CEP128: variants seen among roughly 807,000 people sequenced by gnomAD.
CEP128 encodes the protein centrosomal protein 128.
In CEP128, 132 loss-of-function variants were observed where a neutral mutation model predicts 156.7. The observed-to-expected ratio is 0.84, with a 90% CI of 0.73 to 0.97. CEP128 has a LOEUF of 0.97. Among genes scored for constraint, CEP128 ranks in the 50% least tolerant of loss-of-function variants. The pLI, the probability that CEP128 is intolerant of heterozygous loss-of-function variation, is 0.00. For missense variants in CEP128, 1,252 were observed against 1,281.9 expected (o/e 0.98, Z 0.36); for synonymous variants, 469 against 448.9 (o/e 1.04, Z -0.57).
chr14:80,485,366 T>C (rs553657378), intron 14 of CEP128, among the ~76,000 whole-genome samples: 1 of 112,750 alleles, frequency 8.9e-6, no homozygotes, highest in South Asian at 2.8e-4. Context: ...TATACAACTT[T>C]TAGATCCTCT....
At chr14:80,572,308 T>C (rs993396989) in intron 20 of CEP128, among the ~76,000 whole-genome samples, 45 of 152,196 alleles carry the variant, frequency 3.0e-4, no homozygotes, top group Non-Finnish European at 6.0e-4. Context: ...TATTAGTACT[T>C]AGGATCTCAG....
At chr14:80,829,466 A>C in intron 13 of CEP128, among the ~76,000 whole-genome samples, 1 of 152,164 alleles carries the variant, frequency 6.6e-6, no homozygotes, top group Admixed American at 6.5e-5. Flanking sequence ...GCTGGAGTGC[A>C]GTGGCACAAT....
At chr14:80,677,500 C>T (rs1025485797) in intron 19 of CEP128, among the ~76,000 whole-genome samples, 3 of 99,496 alleles carry the variant, frequency 3.0e-5, no homozygotes, top group Non-Finnish European at 5.9e-5. Context: ...CACAGCAAGA[C>T]TCCGTCTCAA....
intron 23 of CEP128, among the ~76,000 whole-genome samples, chr14:80,512,386 T>C (rs1888302418): frequency 6.6e-6 from 1 of 152,090 alleles, no homozygotes; most frequent in Admixed American, 6.6e-5. Context: ...TTTTTTCTGA[T>C]ATAAGTATAG....
intron 21 of CEP128, among the ~76,000 whole-genome samples, chr14:80,544,622 G>A (rs1037594387): frequency 3.3e-5 from 5 of 152,146 alleles, no homozygotes; most frequent in Admixed American, 6.5e-5. Flanking sequence ...GACTCCTCAC[G>A]GACATACTTT....
chr14:80,693,843 A>T (rs1896799228), intron 19 of CEP128, among the ~76,000 whole-genome samples: 1 of 152,204 alleles, frequency 6.6e-6, no homozygotes, highest in Admixed American at 6.5e-5. Context: ...TGCCTTGTCA[A>T]AACAGATACA....
rs766724436 is a variant in CEP128 at position 80,856,720 on chromosome 14, C to CTTTTTTTTTTTTTTTTTT, written c.762+6019_762+6036dup. Among the ~76,000 whole-genome samples the CTTTTTTTTTTTTTTTTTT allele has an allele frequency of 1.1e-4, 7 of 65,156 alleles. 1 individual carries two copies. The highest frequency in any genetic ancestry group is 1.4e-4 in the Non-Finnish European group (5 of 35,600). The allele number at this position is 65,156 out of a possible 152,430, so 42.7% of individuals were successfully genotyped here. ...AGCATTTATCTCATGTTTTTCTTTT[C>CTTTTTTTTTTTTTTTTTT]TTTTTTTTTTTTTTTTTTTTTTTTT... is the stretch of plus-strand genomic sequence containing the variant. On this transcript the variant is annotated intron_variant, in intron 9 of 24. Transcript: ENST00000555265.
chr14:80,689,972 T>C (rs1428851604), intron 19 of CEP128, among the ~76,000 whole-genome samples: 1 of 152,064 alleles, frequency 6.6e-6, no homozygotes, highest in Non-Finnish European at 1.5e-5. Flanking sequence ...AATAAGTAGA[T>C]CTGTGAGTCC....
chr14:80,695,858 C>A (rs1471052053), intron 19 of CEP128, among the ~76,000 whole-genome samples: 2 of 151,996 alleles, frequency 1.3e-5, no homozygotes, highest in Non-Finnish European at 2.9e-5. Context: ...TATAACATTA[C>A]CTCTTATGCT....
In CEP128 at chr14:80,527,330, T is replaced by C. The variant is rs752036062; in HGVS notation, c.2959-348A>G. ...CTGTAGTCCCAGCTACTCAGGAGGC[T>C]GAGGTGGGAGAATGAGGATTGCTTG... is the stretch of plus-strand genomic sequence containing the variant. On this transcript the variant is annotated intron_variant, in intron 22 of 24. Transcript: ENST00000555265. The C allele has an allele frequency of 4.3e-4, 158 of 368,640 alleles. 1 individual carries two copies. The highest frequency in any genetic ancestry group is 3.7e-4 in the Non-Finnish European group (67 of 181,938). 22.8% of individuals were successfully genotyped at this position (368,640 alleles called of 1,614,324 possible).
intron 13 of CEP128, among the ~76,000 whole-genome samples, chr14:80,815,597 T>C (rs1322472800): frequency 1.3e-5 from 2 of 152,232 alleles, no homozygotes; most frequent in Admixed American, 6.5e-5. Flanking sequence ...AATGATTATA[T>C]TAAAAAGACA....
At chr14:80,892,098 C>T (rs914808221) in intron 8 of CEP128, among the ~76,000 whole-genome samples, 1 of 150,652 alleles carries the variant, frequency 6.6e-6, no homozygotes, top group Admixed American at 6.6e-5. Flanking sequence ...CATAAAGACC[C>T]TAAAACAATT....
At chr14:80,845,332 C>G (rs1004968765) in intron 9 of CEP128, among the ~76,000 whole-genome samples, 1 of 152,104 alleles carries the variant, frequency 6.6e-6, no homozygotes, top group African/African-American at 2.4e-5. Context: ...TTTATGCAAT[C>G]TTTTACTTAA....
At chr14:80,840,895 C>A in intron 9 of CEP128, 127 bp from the exon 10 acceptor site, 1 of 636,366 alleles carries the variant, frequency 1.6e-6, no homozygotes, top group Non-Finnish European at 2.8e-6. Flanking sequence ...CTATAAATTA[C>A]AGTCTGCTCA....
chr14:80,858,294 G>A (rs1182803916), intron 9 of CEP128, among the ~76,000 whole-genome samples: 2 of 138,032 alleles, frequency 1.4e-5, no homozygotes, highest in African/African-American at 5.5e-5. Flanking sequence ...AAGCAATGGG[G>A]AAAGGATTCC....
At chr14:80,926,690 C>G (rs927146544) in intron 2 of CEP128, among the ~76,000 whole-genome samples, 3 of 152,224 alleles carry the variant, frequency 2.0e-5, no homozygotes, top group Non-Finnish European at 4.4e-5. Flanking sequence ...ACCACTGATA[C>G]TGCAACTGTT....
At chr14:80,611,308 A>T (rs1392727955) in intron 19 of CEP128, among the ~76,000 whole-genome samples, 2 of 151,848 alleles carry the variant, frequency 1.3e-5, no homozygotes, top group Admixed American at 6.6e-5. Context: ...AGCAAACTAG[A>T]TACCAGCATC....
At chr14:80,861,914 C>T (rs1887532706) in intron 9 of CEP128, among the ~76,000 whole-genome samples, 1 of 151,888 alleles carries the variant, frequency 6.6e-6, no homozygotes, top group South Asian at 2.1e-4. Context: ...ATCATGTCTG[C>T]AAATTAAAAA....
downstream of CEP128, among the ~76,000 whole-genome samples, chr14:80,490,102 A>G (rs1006565419): frequency 6.6e-6 from 1 of 152,102 alleles, no homozygotes; most frequent in African/African-American, 2.4e-5. Flanking sequence ...AATATTTCTT[A>G]TTATCAATTA....
Sources: allele counts gnomAD v4.1 joint callset (sites outside exome capture counted in the v4.1 genomes callset), GRCh38; gene constraint gnomAD v4.1.1; transcripts MANE v1.5; gene names NCBI Gene and HGNC (gene_info 2026-07-23, HGNC 2026-07-21).